Variants in ASTN2 observed in about 807,000 individuals in gnomAD.
ASTN2 encodes the protein astrotactin 2.
A neutral mutation model predicts 139.8 loss-of-function variants in ASTN2; 54 were observed. That is an observed-to-expected ratio of 0.39 (90% confidence interval 0.31 to 0.48). ASTN2 has a LOEUF of 0.48. ASTN2 is among the 20% of genes least tolerant of loss of function. ASTN2 has a pLI of 0.95. For synonymous variants in ASTN2, 756 were observed against 719.5 expected (o/e 1.05, Z -0.81); for missense variants, 1,565 against 1,725.1 (o/e 0.91, Z 1.64).
At chr9:117,012,045 C>G (rs994698735) in intron 6 of ASTN2, among the ~76,000 whole-genome samples, 3 of 152,138 alleles carry the variant, frequency 2.0e-5, no homozygotes, top group African/African-American at 7.2e-5. Flanking sequence ...CTTATCAATC[C>G]AACTCTCAGT....
chr9:117,276,450 C>T (rs1056602406), intron 2 of ASTN2, among the ~76,000 whole-genome samples: 9 of 152,192 alleles, frequency 5.9e-5, no homozygotes, highest in Admixed American at 5.2e-4. Flanking sequence ...TCATCTCCCC[C>T]CAGACAGCCT....
rs146881308 is a variant in ASTN2 at position 117,313,589 on chromosome 9, G to C, written c.443-22076C>G. The stretch of plus-strand genomic sequence containing the variant: ...TGGACAGGTGTTTACCAAGTGAAGT[G>C]GGGAAAAGCTTTTCAGGCACAAGTT... On this transcript the variant is annotated intron_variant, in intron 1 of 22. Coordinates refer to ENST00000313400, the MANE Select transcript of ASTN2 (RefSeq NM_001365068.1). Among the ~76,000 whole-genome samples, 195 of 152,256 alleles carry C rather than the reference G, an allele frequency of 1.3e-3. 1 individual carries two copies. Among genetic ancestry groups the C allele is most frequent in the African/African-American group, 4.1e-3 (170 of 41,558 alleles).
At chr9:117,209,214 A>G (rs1251398895) in intron 3 of ASTN2, among the ~76,000 whole-genome samples, 1 of 152,186 alleles carries the variant, frequency 6.6e-6, no homozygotes, top group Non-Finnish European at 1.5e-5. Flanking sequence ...AACAATAACA[A>G]TTATTATAAA....
intron 3 of ASTN2, among the ~76,000 whole-genome samples, chr9:117,156,956 A>T (rs1478527921): frequency 6.6e-6 from 1 of 151,690 alleles, no homozygotes. Flanking sequence ...GCCACTCCCA[A>T]CTCCATTTAT....
chr9:117,005,253 T>TC (rs2132580048), intron 7 of ASTN2, among the ~76,000 whole-genome samples: 2 of 150,564 alleles, frequency 1.3e-5, no homozygotes, highest in African/African-American at 4.9e-5. Flanking sequence ...CCCAGCTATT[T>TC]TTTTTTTTTT....
chr9:116,802,420 C>A (rs1365111780), intron 13 of ASTN2, among the ~76,000 whole-genome samples: 1 of 152,232 alleles, frequency 6.6e-6, no homozygotes, highest in East Asian at 1.9e-4. Context: ...AGTCTGTTGG[C>A]CGTGGGAAGA....
chr9:117,182,557 C>T (rs1291905645), intron 3 of ASTN2, among the ~76,000 whole-genome samples: 3 of 152,166 alleles, frequency 2.0e-5, no homozygotes, highest in African/African-American at 4.8e-5. Flanking sequence ...CAAATGTAGC[C>T]GGGCACTCAA....
chr9:116,743,862 G>C (rs1398732756), intron 13 of ASTN2, among the ~76,000 whole-genome samples: 2 of 152,186 alleles, frequency 1.3e-5, no homozygotes, highest in Non-Finnish European at 2.9e-5. Context: ...GTCAGTTGTA[G>C]AAAATTAAGA....
chr9:116,942,902 T>C (rs553744139), intron 10 of ASTN2, among the ~76,000 whole-genome samples: 21 of 152,336 alleles, frequency 1.4e-4, no homozygotes, highest in East Asian at 1.4e-3. Flanking sequence ...TGGGCAGTGA[T>C]AACTTAAAGC....
At chr9:116,763,081 CA>C (rs1187489663) in intron 13 of ASTN2, among the ~76,000 whole-genome samples, 1 of 152,168 alleles carries the variant, frequency 6.6e-6, no homozygotes, top group Non-Finnish European at 1.5e-5. Context: ...TCATAAGAGG[CA>C]AATTTTCCTC....
At chr9:117,021,323 G>A (rs1837872381) in intron 6 of ASTN2, among the ~76,000 whole-genome samples, 1 of 152,134 alleles carries the variant, frequency 6.6e-6, no homozygotes, top group Non-Finnish European at 1.5e-5. Context: ...CATTTGGAGT[G>A]TATTTATGCT....
intron 5 of ASTN2, among the ~76,000 whole-genome samples, chr9:117,077,282 G>C (rs537977447): frequency 5.6e-4 from 85 of 152,288 alleles, no homozygotes; most frequent in African/African-American, 1.9e-3. Context: ...TCCTTGTTCT[G>C]TCTCCTATCT....
At chr9:116,579,392 T>C (rs1344104420) in intron 19 of ASTN2, among the ~76,000 whole-genome samples, 4 of 152,216 alleles carry the variant, frequency 2.6e-5, no homozygotes. Context: ...TCTTGCTTTC[T>C]CATGACCGAT....
intron 13 of ASTN2, among the ~76,000 whole-genome samples, chr9:116,792,221 C>T (rs1234500327): frequency 6.6e-6 from 1 of 152,074 alleles, no homozygotes; most frequent in Non-Finnish European, 1.5e-5. Flanking sequence ...AATTTTACTA[C>T]TTACTTTCTA....
chr9:116,632,219 A>G (rs1856821420), intron 17 of ASTN2, among the ~76,000 whole-genome samples: 8 of 132,282 alleles, frequency 6.0e-5, no homozygotes, highest in East Asian at 2.4e-4. Flanking sequence ...GAAAGAAAGA[A>G]AGAAAGAAAG....
intron 1 of ASTN2, among the ~76,000 whole-genome samples, chr9:117,391,209 C>T (rs1414546042): frequency 6.6e-6 from 1 of 152,068 alleles, no homozygotes; most frequent in African/African-American, 2.4e-5. Flanking sequence ...ATCTTGTAGG[C>T]CTTGATTAGG....
intron 7 of ASTN2, among the ~76,000 whole-genome samples, chr9:116,977,528 C>G (rs1472904081): frequency 6.6e-6 from 1 of 151,930 alleles, no homozygotes; most frequent in African/African-American, 2.4e-5. Context: ...TGCTTGCTAG[C>G]ATTACACACT....
At chr9:116,767,101 TAC>T (rs1829832552) in intron 13 of ASTN2, among the ~76,000 whole-genome samples, 1 of 151,958 alleles carries the variant, frequency 6.6e-6, no homozygotes, top group African/African-American at 2.4e-5. Context: ...CATGCTCACA[TAC>T]AGTTATGCAT....
At chr9:116,735,515 G>A (rs1421934396) in intron 13 of ASTN2, among the ~76,000 whole-genome samples, 1 of 152,200 alleles carries the variant, frequency 6.6e-6, no homozygotes, top group Admixed American at 6.5e-5. Flanking sequence ...CATGCACTGA[G>A]CACATACTTG....
Sources: allele counts gnomAD v4.1 joint callset (sites outside exome capture counted in the v4.1 genomes callset), GRCh38; gene constraint gnomAD v4.1.1; transcripts MANE v1.5; gene names NCBI Gene and HGNC (gene_info 2026-07-23, HGNC 2026-07-21).